The following ATRNL1 variants were observed in gnomAD, a reference collection of about 807,000 sequenced individuals.
ATRNL1 encodes the protein attractin like 1.
A neutral mutation model predicts 182.7 loss-of-function variants in ATRNL1; 95 were observed. The observed-to-expected ratio is 0.52, with a 90% CI of 0.44 to 0.62. The LOEUF (loss-of-function observed/expected upper bound fraction) is 0.62. Among genes scored for constraint, ATRNL1 ranks in the 20% least tolerant of loss-of-function variants. The probability of loss-of-function intolerance (pLI) is 0.00; values close to 1 mark genes in which losing one functional copy is unlikely to be tolerated. For missense variants in ATRNL1, 1,471 were observed against 1,679.5 expected (o/e 0.88, Z 2.17); for synonymous variants, 576 against 568.3 (o/e 1.01, Z -0.19).
intron 28 of ATRNL1, among the ~76,000 whole-genome samples, chr10:115,871,469 TTGTGTGTGTGTATATATATATATATA>T (rs1951581469): frequency 7.1e-6 from 1 of 140,296 alleles, no homozygotes; most frequent in East Asian, 2.0e-4. Flanking sequence ...GTCAGATTCT[TTGTGTGTGTGTATATATATATATATA>T]TATATATATG....
intron 20 of ATRNL1, among the ~76,000 whole-genome samples, chr10:115,416,162 G>A (rs1355631664): frequency 6.6e-6 from 1 of 151,972 alleles, no homozygotes; most frequent in Non-Finnish European, 1.5e-5. Context: ...TGATGTTGAG[G>A]TGTCCTACAA....
chr10:115,909,740 G>C (rs782068190), intron 28 of ATRNL1, among the ~76,000 whole-genome samples: 4 of 151,714 alleles, frequency 2.6e-5, no homozygotes, highest in Non-Finnish European at 4.4e-5. Flanking sequence ...GAAAGGGGAG[G>C]ACATATACTG....
intron 9 of ATRNL1, among the ~76,000 whole-genome samples, chr10:115,222,087 G>A (rs1849490055): frequency 6.6e-6 from 1 of 152,016 alleles, no homozygotes; most frequent in Non-Finnish European, 1.5e-5. Context: ...TAAAATTTAA[G>A]GTAGAGAATA....
At chr10:115,370,696 C>T (rs1592542746) in intron 19 of ATRNL1, among the ~76,000 whole-genome samples, 1 of 152,130 alleles carries the variant, frequency 6.6e-6, no homozygotes. Flanking sequence ...AGGGAAACAG[C>T]ATAAAAGTTT....
chr10:115,302,078 A>G (rs562740789), intron 17 of ATRNL1, 35 bp downstream of exon 17: 5 of 1,512,354 alleles, frequency 3.3e-6, no homozygotes, highest in African/African-American at 1.4e-5. Context: ...TTCACTTGAC[A>G]GCAACGTAAA....
At chr10:115,919,628 A>G (rs1473707370) in intron 28 of ATRNL1, among the ~76,000 whole-genome samples, 7 of 152,208 alleles carry the variant, frequency 4.6e-5, no homozygotes, top group Admixed American at 4.6e-4. Context: ...ATGTATACAT[A>G]TATGTATACA....
intron 26 of ATRNL1, among the ~76,000 whole-genome samples, chr10:115,608,666 A>C (rs144407583): frequency 0.018 from 2,665 of 152,168 alleles, 44 homozygotes; most frequent in Admixed American, 0.03. Context: ...AAGAATATAC[A>C]TCACTGCCAC....
chr10:115,093,735 A>G lies in ATRNL1; in HGVS notation c.-16A>G. 1.4e-6 allele frequency: 2 copies of G among 1,411,506 alleles called. No homozygotes were observed. The highest frequency in any genetic ancestry group is 1.8e-6 in the Non-Finnish European group (2 of 1,089,224). 87.4% of individuals were successfully genotyped at this position (1,411,506 alleles called of 1,614,324 possible). On this transcript the variant is annotated 5_prime_UTR_variant, in exon 1 of 29. Coordinates refer to ENST00000355044, the MANE Select transcript of ATRNL1 (RefSeq NM_207303.4). This position sits in a 1 kb window ranked among gnomAD's most constrained non-coding sequence, Gnocchi z 6.1. ...GCCCGCGAGCGCAGTCTCGCCGGGC[A>G]GGGGCGCCGGGGAAGATGGAGACTG...
intron 15 of ATRNL1, among the ~76,000 whole-genome samples, chr10:115,289,099 G>A (rs1852769507): frequency 6.6e-6 from 1 of 152,158 alleles, no homozygotes; most frequent in Non-Finnish European, 1.5e-5. Flanking sequence ...GAAGGAGAAA[G>A]TCACATGTTA....
chr10:115,601,541 C>T (rs1417108418), intron 26 of ATRNL1, among the ~76,000 whole-genome samples: 2 of 152,004 alleles, frequency 1.3e-5, no homozygotes, highest in Non-Finnish European at 2.9e-5. Flanking sequence ...GCTTCATGTA[C>T]TTTGAAGTTT....
chr10:115,674,148 T>C (rs1555042241), intron 26 of ATRNL1, among the ~76,000 whole-genome samples: 1 of 152,074 alleles, frequency 6.6e-6, no homozygotes, highest in Non-Finnish European at 1.5e-5. Context: ...TTACCAAATA[T>C]TCTATGCACA....
chr10:115,446,030 A>C (rs116728223), intron 21 of ATRNL1, among the ~76,000 whole-genome samples: 1 of 152,206 alleles, frequency 6.6e-6, no homozygotes, highest in Non-Finnish European at 1.5e-5. Flanking sequence ...ATTTTGGCTA[A>C]TTTGAATAAT....
chr10:115,717,932 T>G (rs190650347), intron 26 of ATRNL1, among the ~76,000 whole-genome samples: 10 of 152,302 alleles, frequency 6.6e-5, no homozygotes, highest in African/African-American at 2.2e-4. Flanking sequence ...GGCTTCTGTG[T>G]AATTAGGTTG....
intron 27 of ATRNL1, among the ~76,000 whole-genome samples, chr10:115,742,281 A>G (rs970453830): frequency 9.9e-5 from 15 of 152,152 alleles, no homozygotes; most frequent in African/African-American, 3.6e-4. Context: ...AATGTATAGT[A>G]GGATAAAGGG....
At chr10:115,813,613 A>T (rs1014429895) in intron 27 of ATRNL1, among the ~76,000 whole-genome samples, 5 of 152,216 alleles carry the variant, frequency 3.3e-5, no homozygotes, top group African/African-American at 9.6e-5. Flanking sequence ...TATCACTAAC[A>T]TTTAAATAAC....
chr10:115,657,023 C>T (rs967858577), intron 26 of ATRNL1, among the ~76,000 whole-genome samples: 3 of 152,060 alleles, frequency 2.0e-5, no homozygotes, highest in Admixed American at 1.3e-4. Context: ...GAAATTAACT[C>T]TTGTTTATAT....
At position 115,093,454 on chromosome 10, in the gene ATRNL1, T is replaced by G; in HGVS notation, c.-297T>G. ...CCCCTCAGGAGCGCCGGGCGCAGTC[T>G]GCGCCTCCCGCTCCCCGCCTCCGGC... On this transcript the variant is annotated 5_prime_UTR_variant, in exon 1 of 29. Coordinates refer to ENST00000355044, the MANE Select transcript of ATRNL1 (RefSeq NM_207303.4). This position sits in a 1 kb window ranked among gnomAD's most constrained non-coding sequence, Gnocchi z 6.1. The G allele has an allele frequency of 1.9e-6, 1 of 536,618 alleles. No homozygotes were observed. The highest frequency in any genetic ancestry group is 3.4e-6 in the Non-Finnish European group (1 of 295,582). The allele number at this position is 536,618 out of a possible 1,614,324, so 33.2% of individuals were successfully genotyped here. A position where few individuals can be genotyped will look rare whatever the true frequency, so the allele number is the denominator to read the frequency against.
intron 28 of ATRNL1, among the ~76,000 whole-genome samples, chr10:115,848,979 A>C (rs1184436348): frequency 6.6e-6 from 1 of 152,218 alleles, no homozygotes; most frequent in Non-Finnish European, 1.5e-5. Flanking sequence ...TTGGCTTTGA[A>C]TTTGCTCCTC....
intron 26 of ATRNL1, among the ~76,000 whole-genome samples, chr10:115,684,784 C>A (rs782801806): frequency 4.0e-5 from 6 of 151,442 alleles, no homozygotes; most frequent in African/African-American, 7.3e-5. Context: ...AAATTGTGAC[C>A]AAATAGTGTA....
Sources: allele counts gnomAD v4.1 joint callset (sites outside exome capture counted in the v4.1 genomes callset), GRCh38; gene constraint gnomAD v4.1.1; non-coding constraint Gnocchi (gnomAD v3.1); transcripts MANE v1.5; gene names NCBI Gene and HGNC (gene_info 2026-07-23, HGNC 2026-07-21).